Variants in KLF12 observed in about 807,000 individuals in gnomAD.
KLF12 encodes Krueppel-like factor 12.
KLF12 carries 9 observed loss-of-function variants against 37.8 expected under a neutral mutation model. The observed-to-expected ratio is 0.24, with a 90% CI of 0.14 to 0.42. The LOEUF (loss-of-function observed/expected upper bound fraction) is 0.42. Ranked by LOEUF, KLF12 falls within the 10% of genes least tolerant of loss-of-function variation. The pLI is 1.00. For missense variants in KLF12, 411 were observed against 516.0 expected (o/e 0.80, Z 1.97); for synonymous variants, 208 against 202.1 (o/e 1.03, Z -0.25).
intron 2 of KLF12, among the ~76,000 whole-genome samples, chr13:73,967,710 G>A (rs895113335): frequency 2.0e-5 from 3 of 152,178 alleles, no homozygotes; most frequent in Admixed American, 6.5e-5. Context: ...CTGGATGGGT[G>A]AGGGGTTCTC....
chr13:73,775,068 C>A (rs1016650236), intron 5 of KLF12, among the ~76,000 whole-genome samples: 1 of 152,004 alleles, frequency 6.6e-6, no homozygotes, highest in Non-Finnish European at 1.5e-5. Context: ...CAGGTATGTG[C>A]CACCATGCCT....
intron 3 of KLF12, among the ~76,000 whole-genome samples, chr13:73,922,282 G>A (rs775575986): frequency 6.6e-6 from 1 of 151,910 alleles, no homozygotes; most frequent in African/African-American, 2.4e-5. Context: ...TCCCCCTTCA[G>A]TTGTCTATGT....
intron 3 of KLF12, among the ~76,000 whole-genome samples, chr13:73,855,394 T>C (rs746323847): frequency 6.6e-6 from 1 of 152,162 alleles, no homozygotes; most frequent in Non-Finnish European, 1.5e-5. Context: ...TCCAACTTCA[T>C]CCATGTTGCT....
At chr13:73,919,557 A>T (rs1889015498) in intron 3 of KLF12, among the ~76,000 whole-genome samples, 1 of 152,212 alleles carries the variant, frequency 6.6e-6, no homozygotes, top group Non-Finnish European at 1.5e-5. Flanking sequence ...TCAACAATTA[A>T]GTCCAAATTA....
the KLF12 span, among the ~76,000 whole-genome samples, chr13:74,240,877 C>A: frequency 6.8e-6 from 1 of 147,528 alleles, no homozygotes; most frequent in African/African-American, 2.5e-5. Context: ...AACTTCTTTG[C>A]CTTTGGTTTG....
chr13:73,963,030 A>G lies in KLF12; in HGVS notation c.34-18960T>C, dbSNP rs150666308. Among the ~76,000 whole-genome samples the G allele has an allele frequency of 5.7e-3, 873 of 152,294 alleles. 9 individuals are homozygous for G. The highest frequency in any genetic ancestry group is 7.9e-3 in the Non-Finnish European group (540 of 68,016). On this transcript the variant is annotated intron_variant, in intron 2 of 7. Coordinates refer to ENST00000377669, the MANE Select transcript of KLF12 (RefSeq NM_007249.5). ...ACTTTTTAGCATTTTGTCAACACCA[A>G]TAGAAGGGATTGGTTAATAATTTGA...
chr13:74,275,339 G>A, the KLF12 span, among the ~76,000 whole-genome samples: 1 of 152,148 alleles, frequency 6.6e-6, no homozygotes, highest in East Asian at 1.9e-4. Context: ...CCATTGGAGG[G>A]TTTTAAGCAA....
chr13:74,009,383 G>A (rs1348397281), intron 1 of KLF12, among the ~76,000 whole-genome samples: 1 of 152,176 alleles, frequency 6.6e-6, no homozygotes, highest in Non-Finnish European at 1.5e-5. Flanking sequence ...GTGAAGAAAG[G>A]ATAGTAACCT....
chr13:73,687,435 G>A lies in KLF12; in HGVS notation c.*8055C>T, dbSNP rs1443562060. ...AAGAGCCTTGAATATAGGCACCAGT[G>A]CCCCAGTTCAACAATATCCATCCAA... On this transcript the variant is annotated 3_prime_UTR_variant, in exon 8 of 8. Coordinates refer to ENST00000377669, the MANE Select transcript of KLF12 (RefSeq NM_007249.5). 1 of 152,334 alleles carries A rather than the reference G, an allele frequency of 6.6e-6. No homozygotes were observed. The highest frequency in any genetic ancestry group is 2.4e-5 in the African/African-American group (1 of 41,468). 9.4% of individuals were successfully genotyped at this position (152,334 alleles called of 1,614,324 possible).
At chr13:74,074,748 A>T (rs1874469709) in intron 1 of KLF12, among the ~76,000 whole-genome samples, 1 of 152,204 alleles carries the variant, frequency 6.6e-6, no homozygotes. Flanking sequence ...TTCATGGAGA[A>T]GGGATACCAA....
chr13:73,971,340 T>A (rs963058679), intron 2 of KLF12, among the ~76,000 whole-genome samples: 14 of 152,158 alleles, frequency 9.2e-5, no homozygotes, highest in Non-Finnish European at 1.8e-4. Flanking sequence ...ATAGACTACA[T>A]AACCAAACCC....
chr13:73,956,629 C>A (rs1476091921), intron 2 of KLF12, among the ~76,000 whole-genome samples: 1 of 152,102 alleles, frequency 6.6e-6, no homozygotes, highest in Admixed American at 6.6e-5. Context: ...TAGAAAAGAA[C>A]CTTAATTTTG....
chr13:74,228,232 C>T, the KLF12 span, among the ~76,000 whole-genome samples: 8 of 151,762 alleles, frequency 5.3e-5, no homozygotes, highest in Non-Finnish European at 7.4e-5. Context: ...CTTTCTGCAC[C>T]GTATGTTAAA....
At chr13:74,060,035 A>T (rs1265787819) in intron 1 of KLF12, among the ~76,000 whole-genome samples, 2 of 151,924 alleles carry the variant, frequency 1.3e-5, no homozygotes, top group East Asian at 3.9e-4. Flanking sequence ...CCCATTGTTT[A>T]TTTTTGTCCA....
At chr13:74,146,468 C>T in the KLF12 span, among the ~76,000 whole-genome samples, 29 of 152,102 alleles carry the variant, frequency 1.9e-4, no homozygotes, top group African/African-American at 6.5e-4. Flanking sequence ...AAAAACTCTA[C>T]GTAGACTGTT....
the KLF12 span, among the ~76,000 whole-genome samples, chr13:74,197,184 T>A: frequency 6.6e-6 from 1 of 152,212 alleles, no homozygotes; most frequent in East Asian, 1.9e-4. Context: ...ATTATTCATA[T>A]GGTTATAATA....
intron 1 of KLF12, among the ~76,000 whole-genome samples, chr13:74,012,758 A>T (rs1892583119): frequency 6.6e-6 from 1 of 152,236 alleles, no homozygotes; most frequent in Non-Finnish European, 1.5e-5. Context: ...ATCACTGTAC[A>T]CTTAAGCTAT....
intron 1 of KLF12, among the ~76,000 whole-genome samples, chr13:74,102,273 A>G (rs1419391633): frequency 1.3e-5 from 2 of 152,054 alleles, no homozygotes; most frequent in African/African-American, 4.8e-5. Flanking sequence ...TTGATGAGGG[A>G]AAGATGGATA....
At chr13:73,935,705 G>T (rs1455258711) in intron 3 of KLF12, among the ~76,000 whole-genome samples, 2 of 152,082 alleles carry the variant, frequency 1.3e-5, no homozygotes, top group Admixed American at 1.3e-4. Flanking sequence ...TTGGCTTACT[G>T]CAACCTCCAC....
Sources: allele counts gnomAD v4.1 joint callset (sites outside exome capture counted in the v4.1 genomes callset), GRCh38; gene constraint gnomAD v4.1.1; transcripts MANE v1.5; gene names NCBI Gene and HGNC (gene_info 2026-07-23, HGNC 2026-07-21).